SRPK2: variants seen among roughly 807,000 people sequenced by gnomAD.
The protein encoded by SRPK2 is SRSF protein kinase 2, also known as SFRS protein kinase 2.
SRPK2 carries 21 observed loss-of-function variants against 90.8 expected under a neutral mutation model. The observed-to-expected ratio is 0.23, with a 90% CI of 0.16 to 0.33. The LOEUF is 0.33. Ranked by LOEUF, SRPK2 falls within the 10% of genes least tolerant of loss-of-function variation. The probability of loss-of-function intolerance (pLI) is 1.00; values close to 1 mark genes in which losing one functional copy is unlikely to be tolerated. For synonymous variants in SRPK2, 288 were observed against 311.1 expected (o/e 0.93, Z 0.78); for missense variants, 620 against 869.0 (o/e 0.71, Z 3.60).
intron 2 of SRPK2, among the ~76,000 whole-genome samples, chr7:105,336,720 A>C (rs577382389): frequency 6.6e-6 from 1 of 152,262 alleles, no homozygotes; most frequent in South Asian, 2.1e-4. Context: ...CAAATTTAAC[A>C]CTCTGAGTTC....
At chr7:105,285,605 T>C (rs1037867502) in intron 2 of SRPK2, among the ~76,000 whole-genome samples, 2 of 152,164 alleles carry the variant, frequency 1.3e-5, no homozygotes, top group Non-Finnish European at 2.9e-5. Context: ...GGGACTGGGA[T>C]GGATCCCGCA....
At chr7:105,176,877 C>T (rs969737069) in intron 3 of SRPK2, among the ~76,000 whole-genome samples, 4 of 151,954 alleles carry the variant, frequency 2.6e-5, no homozygotes, top group Non-Finnish European at 5.9e-5. Flanking sequence ...TCAGGTGATC[C>T]GCCTGCCCCG....
intron 2 of SRPK2, among the ~76,000 whole-genome samples, chr7:105,252,731 CTTTTCTTTTTT>C (rs1585370508): frequency 2.2e-5 from 3 of 133,782 alleles, no homozygotes; most frequent in East Asian, 4.0e-4. Flanking sequence ...TATCATCTTT[CTTTTCTTTTTT>C]TTTTCTTTTT....
chr7:105,308,873 C>T (rs1348535987), intron 2 of SRPK2, among the ~76,000 whole-genome samples: 1 of 152,166 alleles, frequency 6.6e-6, no homozygotes, highest in Non-Finnish European at 1.5e-5. Context: ...ATCTTTCATC[C>T]TGGTTGGAGC....
chr7:105,317,852 G>A (rs1812479977), intron 2 of SRPK2, among the ~76,000 whole-genome samples: 1 of 152,104 alleles, frequency 6.6e-6, no homozygotes, highest in South Asian at 2.1e-4. Flanking sequence ...AGATTCAGGT[G>A]ATCCTCCCAC....
intron 7 of SRPK2, among the ~76,000 whole-genome samples, chr7:105,149,502 T>C (rs371032815): frequency 1.2e-4 from 19 of 152,186 alleles, no homozygotes; most frequent in Admixed American, 5.2e-4. Flanking sequence ...CTGAGGGAAC[T>C]CAGAGACCGG....
intron 2 of SRPK2, among the ~76,000 whole-genome samples, chr7:105,302,271 A>G (rs1452583900): frequency 1.3e-5 from 2 of 152,224 alleles, no homozygotes; most frequent in African/African-American, 2.4e-5. Context: ...TTATTTTCAC[A>G]AACTTGCCTT....
chr7:105,387,546 A>C (rs1157132775), intron 2 of SRPK2, among the ~76,000 whole-genome samples: 1 of 147,194 alleles, frequency 6.8e-6, no homozygotes, highest in African/African-American at 2.5e-5. Flanking sequence ...TTAAGTCACT[A>C]TCCACATTTT....
Position 105,369,014 on chromosome 7 carries a change from A to G in SRPK2, c.71+19634T>C, listed in dbSNP as rs552227824. Among the ~76,000 whole-genome samples the G allele has an allele frequency of 2.6e-5, 4 of 152,064 alleles. No individual in the cohort carries two copies. In the East Asian group the frequency reaches 5.8e-4, roughly 22 times the overall value. ...CAAAGCTGCCTTGGGGAGCACCCCA[A>G]TGGACAAGGGGAAGGCCAGGCGGCA... On this transcript the variant is annotated intron_variant, in intron 2 of 15. Transcript: ENST00000393651.
intron 7 of SRPK2, among the ~76,000 whole-genome samples, chr7:105,155,149 T>G: frequency 6.6e-6 from 1 of 152,018 alleles, no homozygotes; most frequent in East Asian, 1.9e-4. Context: ...CCCAGCTAAT[T>G]TTTTATATTT....
At chr7:105,338,090 A>AC (rs55781213) in intron 2 of SRPK2, among the ~76,000 whole-genome samples, 14,768 of 151,380 alleles carry the variant, frequency 0.098, 912 homozygotes, top group East Asian at 0.21. Context: ...TAAAAAAAAA[A>AC]AAAACTTTTT....
chr7:105,160,247 T>C (rs1480704219), intron 7 of SRPK2: 4 of 268,824 alleles, frequency 1.5e-5, no homozygotes, highest in Non-Finnish European at 2.8e-5. Flanking sequence ...CCATGTCACA[T>C]ACCTTAAAAA....
chr7:105,178,237 A>C (rs1487454882), intron 3 of SRPK2, among the ~76,000 whole-genome samples: 5 of 152,126 alleles, frequency 3.3e-5, no homozygotes, highest in Non-Finnish European at 7.3e-5. Context: ...CTAAATATAA[A>C]AAAAGCATCA....
At chr7:105,255,702 C>T (rs1234045453) in intron 2 of SRPK2, among the ~76,000 whole-genome samples, 3 of 152,114 alleles carry the variant, frequency 2.0e-5, no homozygotes, top group Non-Finnish European at 2.9e-5. Context: ...GAGGCTGAGG[C>T]GGGCAGATCA....
At chr7:105,276,624 G>A (rs1806531551) in intron 2 of SRPK2, among the ~76,000 whole-genome samples, 1 of 151,828 alleles carries the variant, frequency 6.6e-6, no homozygotes, top group African/African-American at 2.4e-5. Flanking sequence ...GTGTGGTTCA[G>A]CTACTTAGGA....
At chr7:105,243,476 A>G (rs1801101135) in intron 2 of SRPK2, among the ~76,000 whole-genome samples, 1 of 152,124 alleles carries the variant, frequency 6.6e-6, no homozygotes, top group Non-Finnish European at 1.5e-5. Context: ...GTTCAAGACT[A>G]GTCTGGCCGA....
chr7:105,259,970 G>A (rs893967889), intron 2 of SRPK2, among the ~76,000 whole-genome samples: 13 of 152,128 alleles, frequency 8.5e-5, no homozygotes, highest in Non-Finnish European at 1.3e-4. Context: ...CAGGACACAG[G>A]CATGGGCAAA....
chr7:105,141,953 A>G, intron 11 of SRPK2, 55 bp downstream of exon 11: 1 of 1,541,468 alleles, frequency 6.5e-7, no homozygotes, highest in Admixed American at 2.1e-5. Flanking sequence ...GCATTTGTTA[A>G]AGGCACGTCC....
intron 2 of SRPK2, among the ~76,000 whole-genome samples, chr7:105,372,137 A>T (rs908329508): frequency 8.3e-4 from 28 of 33,854 alleles, no homozygotes; most frequent in African/African-American, 1.8e-3. Context: ...TCCAACTCAT[A>T]AAAAAAAAAA....
Sources: gnomAD v4.1 joint callset for allele counts (sites outside exome capture counted in the v4.1 genomes callset) on GRCh38, gnomAD v4.1.1 for gene constraint, MANE v1.5 for transcripts, NCBI Gene and HGNC (gene_info 2026-07-23, HGNC 2026-07-21) for gene names.